CNTNAP5: variants seen among roughly 807,000 people sequenced by gnomAD.
The protein encoded by CNTNAP5 is contactin-associated protein-like 5.
In CNTNAP5, 72 loss-of-function variants were observed where a neutral mutation model predicts 150.2. The ratio of observed to expected loss-of-function variants is 0.48; its 90% confidence interval spans 0.40 to 0.58. The LOEUF (loss-of-function observed/expected upper bound fraction) is 0.58, where lower values mean the gene tolerates loss of function less well. CNTNAP5 is among the 20% of genes least tolerant of loss of function. CNTNAP5 has a pLI of 0.00. For missense variants in CNTNAP5, 1,636 were observed against 1,626.2 expected (o/e 1.01, Z -0.10); for synonymous variants, 672 against 619.8 (o/e 1.08, Z -1.25).
At chr2:124,478,596 T>C (rs1242276096) in intron 7 of CNTNAP5, among the ~76,000 whole-genome samples, 1 of 152,126 alleles carries the variant, frequency 6.6e-6, no homozygotes, top group Non-Finnish European at 1.5e-5. Flanking sequence ...AAGCAATGGT[T>C]TGCACTGTTA....
At chr2:124,730,468 G>A (rs960160585) in intron 13 of CNTNAP5, among the ~76,000 whole-genome samples, 2 of 151,940 alleles carry the variant, frequency 1.3e-5, no homozygotes, top group South Asian at 4.2e-4. Flanking sequence ...CTGCCCTTAA[G>A]TAGATTACAG....
chr2:124,875,752 C>T (rs934009240), intron 21 of CNTNAP5, among the ~76,000 whole-genome samples: 1 of 139,234 alleles, frequency 7.2e-6, no homozygotes, highest in Non-Finnish European at 1.5e-5. Context: ...GTCAAGGTGA[C>T]TGTAAGTGTA....
chr2:124,850,628 A>T (rs115926999), intron 19 of CNTNAP5, among the ~76,000 whole-genome samples: 1 of 152,230 alleles, frequency 6.6e-6, no homozygotes, highest in Admixed American at 6.5e-5. Flanking sequence ...ATGGAACCAC[A>T]GCACTGGATG....
intron 13 of CNTNAP5, among the ~76,000 whole-genome samples, chr2:124,650,932 A>G (rs1678307827): frequency 6.6e-6 from 1 of 152,188 alleles, no homozygotes; most frequent in Non-Finnish European, 1.5e-5. Flanking sequence ...TTATATCCTC[A>G]GGACAAATTC....
chr2:124,479,894 A>G (rs1693727846), intron 7 of CNTNAP5, among the ~76,000 whole-genome samples: 1 of 152,204 alleles, frequency 6.6e-6, no homozygotes, highest in Non-Finnish European at 1.5e-5. Context: ...GGGCAAATAT[A>G]GTATCTACTT....
At chr2:124,140,357 C>G (rs1684089959) in intron 1 of CNTNAP5, among the ~76,000 whole-genome samples, 1 of 151,820 alleles carries the variant, frequency 6.6e-6, no homozygotes, top group African/African-American at 2.4e-5. Flanking sequence ...AACAAAAAAA[C>G]AGCAGTAACC....
intron 14 of CNTNAP5, 83 bp from the exon 15 acceptor site, chr2:124,763,589 C>T: frequency 1.4e-6 from 2 of 1,406,646 alleles, no homozygotes; most frequent in Non-Finnish European, 2.0e-6. Flanking sequence ...GGCCAAATCA[C>T]TTCTGAAAAG....
chr2:124,239,862 A>C (rs1686842749), intron 2 of CNTNAP5, among the ~76,000 whole-genome samples: 3 of 152,086 alleles, frequency 2.0e-5, no homozygotes, highest in Non-Finnish European at 4.4e-5. Context: ...GGCAGAGGGG[A>C]ATGGGAATTG....
intron 10 of CNTNAP5, among the ~76,000 whole-genome samples, chr2:124,553,482 T>G (rs1695678597): frequency 1.5e-5 from 2 of 137,722 alleles, no homozygotes; most frequent in Admixed American, 7.8e-5. Context: ...CCAGCCTTGG[T>G]AGCAGACCAA....
intron 3 of CNTNAP5, among the ~76,000 whole-genome samples, chr2:124,299,761 A>T (rs1446714265): frequency 1.3e-5 from 2 of 152,204 alleles, no homozygotes; most frequent in Non-Finnish European, 2.9e-5. Flanking sequence ...TCAATGTTGA[A>T]TGCAGCAATG....
chr2:124,392,450 G>T (rs1691138653), intron 3 of CNTNAP5, among the ~76,000 whole-genome samples: 1 of 152,050 alleles, frequency 6.6e-6, no homozygotes, highest in South Asian at 2.1e-4. Context: ...AAAGTAAGTT[G>T]ACAAAACCAA....
intron 12 of CNTNAP5, among the ~76,000 whole-genome samples, chr2:124,637,239 C>T (rs936172559): frequency 6.6e-6 from 1 of 152,178 alleles, no homozygotes; most frequent in Admixed American, 6.5e-5. Context: ...CTCCTTTAAT[C>T]TGGAAGGCCC....
intron 1 of CNTNAP5, among the ~76,000 whole-genome samples, chr2:124,187,091 T>A (rs933478882): frequency 1.3e-5 from 2 of 152,006 alleles, no homozygotes; most frequent in African/African-American, 4.8e-5. Flanking sequence ...TACAGTACAA[T>A]AACAGCTTCT....
intron 1 of CNTNAP5, among the ~76,000 whole-genome samples, chr2:124,129,044 A>G (rs765303320): frequency 1.5e-4 from 23 of 152,092 alleles, no homozygotes; most frequent in Non-Finnish European, 2.8e-4. Flanking sequence ...CATGTACCCT[A>G]GAACTTAAAG....
chr2:124,182,555 T>C (rs10496634), intron 1 of CNTNAP5, among the ~76,000 whole-genome samples: 34,374 of 152,026 alleles, frequency 0.23, 4,149 homozygotes, highest in African/African-American at 0.3. Flanking sequence ...TAGTTCATCA[T>C]TGACAAATCC....
chr2:124,709,326 T>G (rs776519913), intron 13 of CNTNAP5, among the ~76,000 whole-genome samples: 40 of 152,094 alleles, frequency 2.6e-4, no homozygotes, highest in South Asian at 8.3e-4. Context: ...ATGAAGACAT[T>G]ATTTCTACAA....
At chr2:124,690,410 C>T (rs1679277421) in intron 13 of CNTNAP5, among the ~76,000 whole-genome samples, 1 of 152,074 alleles carries the variant, frequency 6.6e-6, no homozygotes, top group African/African-American at 2.4e-5. Flanking sequence ...AGACAATATT[C>T]AAACGAATTT....
At chr2:124,203,472 C>T (rs1312179255) in intron 1 of CNTNAP5, among the ~76,000 whole-genome samples, 1 of 152,194 alleles carries the variant, frequency 6.6e-6, no homozygotes, top group Admixed American at 6.5e-5. Context: ...GGAAGTGCCC[C>T]AGTGGGCACT....
At chr2:124,474,698 A>G in intron 6 of CNTNAP5, 41 bp from the exon 7 acceptor site, 1 of 1,486,648 alleles carries the variant, frequency 6.7e-7, no homozygotes. Context: ...AATCTTTCTG[A>G]GCTTAAAACT....
Sources: gnomAD v4.1 joint callset for allele counts (sites outside exome capture counted in the v4.1 genomes callset) on GRCh38, gnomAD v4.1.1 for gene constraint, MANE v1.5 for transcripts, NCBI Gene and HGNC (gene_info 2026-07-23, HGNC 2026-07-21) for gene names.